The following LIPI variants were observed in gnomAD, a reference collection of about 807,000 sequenced individuals.
LIPI encodes the protein lipase I.
LIPI carries 59 observed loss-of-function variants against 50.6 expected under a neutral mutation model. The observed-to-expected ratio is 1.16, with a 90% CI of 0.94 to 1.45. The LOEUF is 1.45. LIPI is among the 40% of genes most tolerant of loss of function. The pLI is 0.00. For synonymous variants in LIPI, 203 were observed against 178.2 expected (o/e 1.14, Z -1.11); for missense variants, 586 against 536.3 (o/e 1.09, Z -0.92).
intron 9 of LIPI, among the ~76,000 whole-genome samples, chr21:14,121,900 T>C (rs1404306492): frequency 1.3e-5 from 2 of 152,160 alleles, no homozygotes; most frequent in African/African-American, 2.4e-5. Flanking sequence ...CTGATGAAGC[T>C]TGAGGAAACG....
At chr21:14,140,712 T>C (rs373660434) in intron 9 of LIPI, among the ~76,000 whole-genome samples, 3 of 152,286 alleles carry the variant, frequency 2.0e-5, no homozygotes, top group East Asian at 3.9e-4. Flanking sequence ...TCTGTAATGC[T>C]CTTCTTATCA....
rs775586314 is a variant in LIPI, at chr21:14,189,337, G to A, written c.129C>T (p.Thr43=). 1.9e-6 allele frequency: 3 copies of A among 1,610,284 alleles called. No homozygotes were observed. Among genetic ancestry groups the A allele is most frequent in the Non-Finnish European group, 2.5e-6 (3 of 1,176,638 alleles). Reference sequence around the variant, plus strand: ...TGTTCCTTGTATACATCATCAGAATGGTCTCTATTCTCGGAATAAATAAAT... The same window carrying A: ...TGTTCCTTGTATACATCATCAGAATAGTCTCTATTCTCGGAATAAATAAAT... ...FRDLFIPRIE[T]ILMMYTRNNL... is the part of the protein sequence containing the mutation. The change falls in exon 2 of 10, where the codon ACC becomes ACT. Residue 43 remains threonine (T), a synonymous_variant. Transcript: ENST00000681601.
chr21:14,165,400 TAA>T lies in LIPI; in HGVS notation c.734-12_734-11del. The T allele has an allele frequency of 6.8e-6, 10 of 1,479,522 alleles. No individual in the cohort carries two copies. Among genetic ancestry groups the T allele is most frequent in the Admixed American group, 3.7e-5 (2 of 54,186 alleles). 91.6% of individuals were successfully genotyped at this position (1,479,522 alleles called of 1,614,324 possible). On this transcript the variant is annotated splice_polypyrimidine_tract_variant and intron_variant, in intron 5 of 9. Transcript: ENST00000681601. ...TTAATGAATTGAATTCCTTAAGGGT[TAA>T]AAAAAAAACAAAGAACTGTAGATGT...
intron 1 of LIPI, among the ~76,000 whole-genome samples, chr21:14,209,183 A>G (rs1260850797): frequency 6.6e-6 from 1 of 152,204 alleles, no homozygotes; most frequent in African/African-American, 2.4e-5. Flanking sequence ...GAATATACAG[A>G]TACATAGATG....
At chr21:14,165,598 T>A (rs959542391) in intron 5 of LIPI, among the ~76,000 whole-genome samples, 1 of 152,228 alleles carries the variant, frequency 6.6e-6, no homozygotes, top group Admixed American at 6.5e-5. Flanking sequence ...AGATTTATAA[T>A]GAATTTTTAA....
At chr21:14,183,580 A>C (rs1479197701) in intron 3 of LIPI, among the ~76,000 whole-genome samples, 1 of 152,216 alleles carries the variant, frequency 6.6e-6, no homozygotes, top group African/African-American at 2.4e-5. Flanking sequence ...TACTCATCTG[A>C]CAAAGGGCTA....
chr21:14,146,677 T>C (rs982199483), intron 8 of LIPI, among the ~76,000 whole-genome samples: 3 of 151,872 alleles, frequency 2.0e-5, no homozygotes, highest in Non-Finnish European at 4.4e-5. Context: ...GTGAATAAAA[T>C]ATAAATTCTG....
intron 4 of LIPI, among the ~76,000 whole-genome samples, chr21:14,169,106 G>C (rs549867003): frequency 6.6e-6 from 1 of 152,260 alleles, no homozygotes; most frequent in South Asian, 2.1e-4. Context: ...AAGATCAAAA[G>C]AGACAAAGAA....
intron 9 of LIPI, among the ~76,000 whole-genome samples, chr21:14,138,245 A>G (rs1600851442): frequency 6.6e-6 from 1 of 152,022 alleles, no homozygotes; most frequent in African/African-American, 2.4e-5. Flanking sequence ...AGATTTCAGG[A>G]CAAGTAATAT....
intron 7 of LIPI, among the ~76,000 whole-genome samples, chr21:14,158,820 T>C (rs935874904): frequency 6.6e-6 from 1 of 150,856 alleles, no homozygotes; most frequent in Non-Finnish European, 1.5e-5. Flanking sequence ...AAGGCATTAC[T>C]AAAGATAATG....
chr21:14,109,970 T>C (rs901750481), intron 9 of LIPI, among the ~76,000 whole-genome samples: 1 of 151,962 alleles, frequency 6.6e-6, no homozygotes, highest in Admixed American at 6.6e-5. Flanking sequence ...AATTTTGTGA[T>C]ACATTTTGAA....
intron 9 of LIPI, among the ~76,000 whole-genome samples, chr21:14,125,032 G>T (rs186195919): frequency 1.3e-5 from 2 of 152,118 alleles, no homozygotes; most frequent in East Asian, 1.9e-4. Flanking sequence ...TATACCCAGA[G>T]AAATTATCTT....
chr21:14,159,672 C>T (rs945655867), intron 7 of LIPI, among the ~76,000 whole-genome samples: 1 of 151,098 alleles, frequency 6.6e-6, no homozygotes, highest in Non-Finnish European at 1.5e-5. Flanking sequence ...ATTAAATGCA[C>T]ACAGATTGTA....
intron 3 of LIPI, among the ~76,000 whole-genome samples, chr21:14,184,747 A>C (rs1377077346): frequency 6.6e-6 from 1 of 152,180 alleles, no homozygotes; most frequent in African/African-American, 2.4e-5. Context: ...AAATTGAGCA[A>C]GTGTGGTTTT....
intron 9 of LIPI, among the ~76,000 whole-genome samples, chr21:14,111,361 T>G (rs769517450): frequency 7.2e-5 from 11 of 152,264 alleles, no homozygotes; most frequent in Middle Eastern, 3.4e-3. Flanking sequence ...CACATTTTCA[T>G]ATACCTGTTG....
At chr21:14,184,532 T>G (rs1162493461) in intron 3 of LIPI, among the ~76,000 whole-genome samples, 1 of 152,044 alleles carries the variant, frequency 6.6e-6, no homozygotes, top group Non-Finnish European at 1.5e-5. Flanking sequence ...AGAAAAAAAG[T>G]AAAATATAAT....
intron 4 of LIPI, among the ~76,000 whole-genome samples, chr21:14,175,561 C>A (rs1466906983): frequency 6.6e-6 from 1 of 151,956 alleles, no homozygotes; most frequent in Non-Finnish European, 1.5e-5. Flanking sequence ...ACATTTTAAT[C>A]TTTTCATTTG....
rs533656827 is a variant in LIPI, at chr21:14,167,860, C to T, written c.644-1409G>A. ...CTCACCAACAATGGAACAAAGCTGG[C>T]TGGAGAATGACTTTGACAAGCTGAG... On this transcript the variant is annotated intron_variant, in intron 4 of 9. Coordinates refer to ENST00000681601, the MANE Select transcript of LIPI (RefSeq NM_001302998.2). Among the ~76,000 whole-genome samples the T allele has an allele frequency of 6.6e-5, 10 of 152,290 alleles. No homozygotes were observed. The South Asian group carries it at 2.1e-3, about 32-fold the overall frequency.
chr21:14,137,210 G>A (rs988483749), intron 9 of LIPI, among the ~76,000 whole-genome samples: 16 of 151,980 alleles, frequency 1.1e-4, no homozygotes, highest in Non-Finnish European at 1.6e-4. Flanking sequence ...CACCATGCAG[G>A]AAAACATGAC....
Sources: allele counts gnomAD v4.1 joint callset (sites outside exome capture counted in the v4.1 genomes callset), GRCh38; gene constraint gnomAD v4.1.1; transcripts MANE v1.5; gene names NCBI Gene and HGNC (gene_info 2026-07-23, HGNC 2026-07-21).